Variants in PTPRS observed in about 807,000 individuals in gnomAD.
PTPRS encodes protein tyrosine phosphatase receptor type S.
PTPRS carries 63 observed loss-of-function variants against 215.3 expected under a neutral mutation model. The ratio of observed to expected loss-of-function variants is 0.29; its 90% CI spans 0.24 to 0.36. The LOEUF (loss-of-function observed/expected upper bound fraction) is 0.36, where lower values mean the gene tolerates loss of function less well. Ranked by LOEUF, PTPRS falls within the 10% of genes least tolerant of loss-of-function variation. PTPRS has a pLI of 1.00. For missense variants in PTPRS, 2,258 were observed against 2,825.8 expected, an observed-to-expected ratio of 0.80 and a Z score of 4.56; for synonymous variants, 1,404 against 1,191.4, an observed-to-expected ratio of 1.18 and a Z score of -3.68.
At position 5,206,561 on chromosome 19, in the gene PTPRS, GGCGGCGGCCGGTGCCAGGGAGGTCGCT is replaced by G. The variant is rs2040379887; in HGVS notation, c.*186_*212del. 1 of 503,570 alleles carries G rather than the reference GGCGGCGGCCGGTGCCAGGGAGGTCGCT, an allele frequency of 2.0e-6. No individual in the cohort carries two copies. The highest frequency in any genetic ancestry group is 3.5e-5 in the East Asian group (1 of 28,926). 31.2% of individuals were successfully genotyped at this position (503,570 alleles called of 1,614,324 possible). A position where few individuals can be genotyped will look rare whatever the true frequency, so the allele number is the denominator to read the frequency against. On this transcript the variant is annotated 3_prime_UTR_variant, in exon 38 of 38. Coordinates refer to ENST00000262963, the MANE Select transcript of PTPRS (RefSeq NM_002850.4). ...AGGAGGAATGTGCCAAGTATTTGAA[GGCGGCGGCCGGTGCCAGGGAGGTCGCT>G]GGGGCGGCCGGGGCCGGTGGGGGGG...
At position 5,214,370 on chromosome 19, in the gene PTPRS, A is replaced by G. The variant is rs148987172; in HGVS notation, c.4605T>C (p.Ser1535=). ...ELATFCVRTF[S]LHKNGSSEKR... Reference sequence around the variant, plus strand: ...CCAGCCTGGGCCCCACCTTGTGCAGAGAGAATGTCCTGACGCAGAATGTGG... The same window carrying G: ...CCAGCCTGGGCCCCACCTTGTGCAGGGAGAATGTCCTGACGCAGAATGTGG... Residue 1535 remains serine, a synonymous_variant, in exon 30 of 38, where the codon TCT becomes TCC. Coordinates refer to ENST00000262963, the MANE Select transcript of PTPRS (RefSeq NM_002850.4). 6.2e-7 allele frequency: 1 copy of G among 1,613,936 alleles called. No individual in the cohort carries two copies. Among genetic ancestry groups the G allele is most frequent in the African/African-American group, 1.3e-5 (1 of 74,914 alleles).
chr19:5,292,907 G>A (rs1194171676), intron 1 of PTPRS: 2 of 152,194 alleles, frequency 1.3e-5, no homozygotes, highest in Non-Finnish European at 2.9e-5. Flanking sequence ...GGGACCCTGC[G>A]GAGCATAACG....
chr19:5,247,495 T>C (rs1416464638), intron 9 of PTPRS, among the ~76,000 whole-genome samples: 2 of 152,136 alleles, frequency 1.3e-5, no homozygotes, highest in East Asian at 3.9e-4. Context: ...TAAATCCTTC[T>C]AGCAGGAAAA....
intron 1 of PTPRS, among the ~76,000 whole-genome samples, chr19:5,301,341 A>C (rs944667471): frequency 6.9e-6 from 1 of 145,956 alleles, no homozygotes; most frequent in African/African-American, 2.6e-5. Flanking sequence ...TTTGAGACAG[A>C]GTCTCGCTCT....
At position 5,267,020 on chromosome 19, in the gene PTPRS, C is replaced by T. The variant is rs137996059; in HGVS notation, c.380-1824G>A. On this transcript the variant is annotated intron_variant, in intron 4 of 37. Coordinates refer to ENST00000262963, the MANE Select transcript of PTPRS (RefSeq NM_002850.4). Reference sequence around the variant, plus strand: ...GGTGCATCTGTGTCACCACAGCATCCGTAGCACCCAGCGCAGAACCGGGCA... The same window carrying T: ...GGTGCATCTGTGTCACCACAGCATCTGTAGCACCCAGCGCAGAACCGGGCA... 3.2e-3 allele frequency among the ~76,000 whole-genome samples: 490 copies of T among 152,258 alleles called. 3 individuals are homozygous for T. The highest frequency in any genetic ancestry group is 0.011 in the African/African-American group (438 of 41,550).
At chr19:5,274,746 C>T (rs551489444) in intron 2 of PTPRS, among the ~76,000 whole-genome samples, 1 of 152,208 alleles carries the variant, frequency 6.6e-6, no homozygotes, top group Non-Finnish European at 1.5e-5. Flanking sequence ...TGAACCCCCC[C>T]TCCATGGTGA....
intron 1 of PTPRS, among the ~76,000 whole-genome samples, chr19:5,297,666 T>G (rs1441057747): frequency 1.3e-5 from 2 of 152,110 alleles, no homozygotes; most frequent in Non-Finnish European, 2.9e-5. Flanking sequence ...TAATTGCATT[T>G]ACACCTGGAG....
chr19:5,335,196 C>T (rs537562327), intron 1 of PTPRS, among the ~76,000 whole-genome samples: 2 of 152,332 alleles, frequency 1.3e-5, no homozygotes, highest in Admixed American at 6.5e-5. Context: ...CGCCGGATAC[C>T]CCTCTGGGTG....
intron 1 of PTPRS, among the ~76,000 whole-genome samples, chr19:5,300,951 C>A (rs1047564269): frequency 6.6e-6 from 1 of 152,200 alleles, no homozygotes; most frequent in South Asian, 2.1e-4. Context: ...AGCCACAGTA[C>A]CCTGGCCACT....
chr19:5,275,152 C>T (rs2047251170), intron 2 of PTPRS, among the ~76,000 whole-genome samples: 1 of 150,756 alleles, frequency 6.6e-6, no homozygotes, highest in Non-Finnish European at 1.5e-5. Flanking sequence ...CTCACTGCAA[C>T]TTCTGCCTCT....
In PTPRS at chr19:5,237,892, C is replaced by T. The variant is rs1002455521; in HGVS notation, c.1849+1027G>A. Among the ~76,000 whole-genome samples, 8 of 152,136 alleles carry T rather than the reference C, an allele frequency of 5.3e-5. No homozygotes were observed. The highest frequency in any genetic ancestry group is 3.9e-4 in the Admixed American group (6 of 15,284). ...GTGTCTCCGAGGCGCCCCACCCCCC[C>T]GATCCCAGCGGCTCAGATGCCCCGG... On this transcript the variant is annotated intron_variant, in intron 13 of 37. Transcript: ENST00000262963. The surrounding 1 kb of genome is among the most constrained non-coding windows in gnomAD (Gnocchi z 4.2).
chr19:5,210,859 C>A lies in PTPRS; in HGVS notation c.5235-54G>T. ...GCCGGCAGGGAGACCCGGCGTGGTA[C>A]TCACCTGATGCTGCCCGGGAGGGTC... On this transcript the variant is annotated intron_variant, in intron 33 of 37. Transcript: ENST00000262963. The surrounding 1 kb of genome is among the most constrained non-coding windows in gnomAD (Gnocchi z 4.5). 6.3e-7 allele frequency: 1 copy of A among 1,585,738 alleles called. No individual in the cohort carries two copies. Among genetic ancestry groups the A allele is most frequent in the Non-Finnish European group, 8.6e-7 (1 of 1,169,536 alleles).
chr19:5,249,302 CTCCA>C (rs1376486267), intron 9 of PTPRS, among the ~76,000 whole-genome samples: 4 of 152,204 alleles, frequency 2.6e-5, no homozygotes, highest in African/African-American at 9.6e-5. Context: ...CAGAGCGAGA[CTCCA>C]TCTCCAAATA....
At chr19:5,282,817 G>A (rs893504127) in intron 2 of PTPRS, among the ~76,000 whole-genome samples, 5 of 150,268 alleles carry the variant, frequency 3.3e-5, no homozygotes, top group African/African-American at 1.2e-4. Flanking sequence ...AAAAAAAGAA[G>A]GGACCTGCCT....
rs766780686 is a variant in PTPRS, at chr19:5,244,427, G to A, written c.1044C>T (p.Ile348=). 1 of 1,614,228 alleles carries A rather than the reference G, an allele frequency of 6.2e-7. No individual in the cohort carries two copies. Among genetic ancestry groups the A allele is most frequent in the East Asian group, 2.2e-5 (1 of 44,882 alleles). ...PMVTENTATS[I]TITWDSGNPD... is the part of the protein sequence containing the mutation. ...GGTTGCCCGAGTCCCACGTGATGGTGATGCTGGTGGCTGTGTTCTCAGTCA... is the reference window on the plus strand; with the variant it reads ...GGTTGCCCGAGTCCCACGTGATGGTAATGCTGGTGGCTGTGTTCTCAGTCA... The change falls in exon 11 of 38, where the codon ATC becomes ATT. Residue 348 remains isoleucine, a synonymous_variant. Transcript: ENST00000262963. The surrounding 1 kb of genome is among the most constrained non-coding windows in gnomAD (Gnocchi z 7.2).
chr19:5,315,643 G>A (rs1023549583), intron 1 of PTPRS, among the ~76,000 whole-genome samples: 1 of 128,094 alleles, frequency 7.8e-6, no homozygotes, highest in African/African-American at 3.0e-5. Flanking sequence ...GGGACAATAG[G>A]CAAATGCCAT....
intron 1 of PTPRS, among the ~76,000 whole-genome samples, chr19:5,314,805 C>A (rs1340109597): frequency 2.6e-5 from 4 of 152,142 alleles, no homozygotes; most frequent in Non-Finnish European, 5.9e-5. Flanking sequence ...CACAGGTTAT[C>A]CCTGCTCAAC....
At chr19:5,262,899 G>T in intron 6 of PTPRS, 65 bp downstream of exon 6, 1 of 1,488,678 alleles carries the variant, frequency 6.7e-7, no homozygotes, top group East Asian at 2.3e-5. Context: ...GAGGAGAAGG[G>T]GAGCAGAAGG....
At chr19:5,240,092 T>G in intron 12 of PTPRS, 107 bp downstream of exon 12, 1 of 1,272,792 alleles carries the variant, frequency 7.9e-7, no homozygotes, top group South Asian at 1.8e-5. Flanking sequence ...AAGAGCAGAA[T>G]CCGCAGCACA....
Sources: gnomAD v4.1 joint callset for allele counts (sites outside exome capture counted in the v4.1 genomes callset) on GRCh38, gnomAD v4.1.1 for gene constraint, Gnocchi (gnomAD v3.1) non-coding constraint, MANE v1.5 for transcripts, NCBI Gene and HGNC (gene_info 2026-07-23, HGNC 2026-07-21) for gene names.